Variants in STARD13 observed in about 807,000 individuals in gnomAD.
The protein encoded by STARD13 is stAR-related lipid transfer protein 13.
Under a neutral mutation model 106.4 loss-of-function variants are expected in STARD13, and 62 were observed. The observed-to-expected ratio is 0.58, with a 90% confidence interval of 0.48 to 0.72. The LOEUF is 0.72. STARD13 is among the 30% of genes least tolerant of loss of function. The pLI is 0.00. For missense variants in STARD13, 1,387 were observed against 1,424.0 expected, an observed-to-expected ratio of 0.97 and a Z score of 0.42; for synonymous variants, 565 against 553.0, an observed-to-expected ratio of 1.02 and a Z score of -0.31.
At chr13:33,475,970 G>T in the STARD13 span, among the ~76,000 whole-genome samples, 241 of 151,308 alleles carry the variant, frequency 1.6e-3, 1 homozygote, top group Non-Finnish European at 1.9e-3. Context: ...ATAAAAAAAA[G>T]AAAAAAAAGA....
At chr13:33,305,348 A>C (rs977562952) in intron 1 of STARD13, among the ~76,000 whole-genome samples, 2 of 152,218 alleles carry the variant, frequency 1.3e-5, no homozygotes, top group Non-Finnish European at 2.9e-5. Flanking sequence ...GTTCCATATA[A>C]GGCTGGAGAT....
At chr13:33,610,834 C>T in the STARD13 span, 1 of 152,434 alleles carries the variant, frequency 6.6e-6, no homozygotes, top group African/African-American at 2.4e-5. Flanking sequence ...AGAACCTCTG[C>T]CAGGGTCGCC....
chr13:33,377,589 A>G, the STARD13 span, among the ~76,000 whole-genome samples: 1 of 128,936 alleles, frequency 7.8e-6, no homozygotes, highest in African/African-American at 2.9e-5. Flanking sequence ...ATTCTCCCCC[A>G]CCCCCGCTTA....
chr13:33,404,030 TTCA>T, the STARD13 span, among the ~76,000 whole-genome samples: 1 of 152,226 alleles, frequency 6.6e-6, no homozygotes, highest in Non-Finnish European at 1.5e-5. Context: ...TACGCAACCT[TTCA>T]TCGTTAGTTT....
the STARD13 span, among the ~76,000 whole-genome samples, chr13:33,524,992 C>T: frequency 6.6e-6 from 1 of 151,932 alleles, no homozygotes; most frequent in Non-Finnish European, 1.5e-5. Flanking sequence ...CTTTGATCAC[C>T]AAAAGTGTTT....
intron 12 of STARD13, among the ~76,000 whole-genome samples, chr13:33,108,358 C>T (rs920955595): frequency 3.3e-5 from 5 of 152,116 alleles, no homozygotes; most frequent in South Asian, 2.1e-4. Context: ...ATTGTTAGCC[C>T]GTGGAGGGCT....
At position 33,173,972 on chromosome 13, in the gene STARD13, C is replaced by T. The variant is rs139012580; in HGVS notation, c.170-6350G>A. On this transcript the variant is annotated intron_variant, in intron 1 of 13. Transcript: ENST00000336934. ...GAGAGATGTGTTGAGACATAAAATT[C>T]CTTCACCAATTCTACACATAAGCCT... 2.8e-3 allele frequency among the ~76,000 whole-genome samples: 421 copies of T among 152,216 alleles called. 2 individuals carry two copies. Among genetic ancestry groups the T allele is most frequent in the African/African-American group, 9.7e-3 (404 of 41,538 alleles).
At chr13:33,253,555 C>G (rs372371771) in intron 1 of STARD13, among the ~76,000 whole-genome samples, 1 of 152,188 alleles carries the variant, frequency 6.6e-6, no homozygotes, top group African/African-American at 2.4e-5. Context: ...CTGTTGGGCT[C>G]TAGCTGCAGC....
chr13:33,285,819 C>A, upstream of STARD13: 1 of 1,375,910 alleles, frequency 7.3e-7, no homozygotes, highest in South Asian at 1.6e-5. Flanking sequence ...CTCACGTGAC[C>A]TCGGGAACCA....
Position 33,105,491 on chromosome 13 carries a change from C to A in STARD13, c.*102G>T. ...TTCCATTTTTAGGCATTAACCGCGT[C>A]CTTCAGTTCCTCTTTCTCTCGCTTT... On this transcript the variant is annotated 3_prime_UTR_variant, in exon 14 of 14. Coordinates refer to ENST00000336934, the MANE Select transcript of STARD13 (RefSeq NM_178006.4). 2 of 801,994 alleles carry A rather than the reference C, an allele frequency of 2.5e-6. No homozygotes were observed. Among genetic ancestry groups the A allele is most frequent in the African/African-American group, 1.7e-5 (1 of 58,592 alleles). The allele number at this position is 801,994 out of a possible 1,614,324, so 49.7% of individuals were successfully genotyped here. A position where few individuals can be genotyped will look rare whatever the true frequency, so the allele number is the denominator to read the frequency against.
At chr13:33,612,522 C>A in the STARD13 span, among the ~76,000 whole-genome samples, 1,376 of 152,244 alleles carry the variant, frequency 9.0e-3, 21 homozygotes, top group African/African-American at 0.032. Flanking sequence ...TACTCCCTGC[C>A]TCATCCACAC....
At chr13:33,435,441 C>T in the STARD13 span, among the ~76,000 whole-genome samples, 23 of 152,246 alleles carry the variant, frequency 1.5e-4, no homozygotes, top group African/African-American at 5.3e-4. Context: ...TTATGTGGCA[C>T]TTGCATTTCA....
chr13:33,254,680 C>T lies in STARD13; in HGVS notation c.169+30790G>A, dbSNP rs145175950. Among the ~76,000 whole-genome samples, 62 of 152,204 alleles carry T rather than the reference C, an allele frequency of 4.1e-4. No individual in the cohort carries two copies. The East Asian group carries it at 0.01, about 26-fold the overall frequency. ...ACCTGTAGGTGAGGAGACAAGCACA[C>T]GAACTGTGGAATGACGTGGCAGAGA... On this transcript the variant is annotated intron_variant, in intron 1 of 13. Coordinates refer to ENST00000336934, the MANE Select transcript of STARD13 (RefSeq NM_178006.4).
intron 1 of STARD13, among the ~76,000 whole-genome samples, chr13:33,194,617 A>G (rs891037408): frequency 5.3e-5 from 8 of 152,232 alleles, no homozygotes; most frequent in African/African-American, 1.9e-4. Context: ...ATGTTTTTTA[A>G]TAGAAAACTT....
chr13:33,528,257 C>CATATATATGTATATGTATAT, the STARD13 span, among the ~76,000 whole-genome samples: 5 of 92,930 alleles, frequency 5.4e-5, no homozygotes, highest in Admixed American at 4.4e-4. Flanking sequence ...TATATATATA[C>CATATATATGTATATGTATAT]ATATATATAT....
At chr13:33,515,899 T>C in the STARD13 span, among the ~76,000 whole-genome samples, 6 of 152,176 alleles carry the variant, frequency 3.9e-5, no homozygotes, top group Non-Finnish European at 5.9e-5. Context: ...TAATTCTCTG[T>C]TGCCCACCTG....
chr13:33,626,065 A>G, the STARD13 span, among the ~76,000 whole-genome samples: 17 of 152,166 alleles, frequency 1.1e-4, no homozygotes, highest in African/African-American at 3.9e-4. Context: ...TCATGAATGT[A>G]AATATAAAAC....
chr13:33,456,098 A>G, the STARD13 span, among the ~76,000 whole-genome samples: 2 of 152,196 alleles, frequency 1.3e-5, no homozygotes, highest in Admixed American at 1.3e-4. Flanking sequence ...TATATTGTCT[A>G]TGGCTGCTTT....
intron 1 of STARD13, chr13:33,180,455 C>T (rs1230872041): frequency 6.6e-6 from 1 of 152,202 alleles, no homozygotes; most frequent in African/African-American, 2.4e-5. Context: ...CTGTATCAGA[C>T]ATGTGGGCTT....
Sources: gnomAD v4.1 joint callset for allele counts (sites outside exome capture counted in the v4.1 genomes callset) on GRCh38, gnomAD v4.1.1 for gene constraint, MANE v1.5 for transcripts, NCBI Gene and HGNC (gene_info 2026-07-23, HGNC 2026-07-21) for gene names.